The following PLAC1 variants were observed in gnomAD, a reference collection of about 807,000 sequenced individuals.
The protein encoded by PLAC1 is placenta-specific protein 1.
For missense variants in PLAC1, 136 were observed against 163.2 expected (o/e 0.83, Z 0.91); for synonymous variants, 68 against 62.1 (o/e 1.09, Z -0.44).
chrX:134,675,308 G>A (rs2078469444), intron 2 of PLAC1, among the ~76,000 whole-genome samples: 1 of 112,715 alleles, frequency 8.9e-6, no homozygotes, highest in Non-Finnish European at 1.9e-5. Context: ...ACAGAAGTTG[G>A]TGAGATTGCT....
intron 2 of PLAC1, among the ~76,000 whole-genome samples, chrX:134,667,737 G>T (rs1205627758): frequency 2.7e-5 from 3 of 110,312 alleles, no homozygotes; most frequent in Non-Finnish European, 5.7e-5. Context: ...CCTGGGCTAT[G>T]CAGGGAGACC....
At chrX:134,636,485 C>T (rs1190977611) in intron 1 of PLAC1, among the ~76,000 whole-genome samples, 1 of 112,072 alleles carries the variant, frequency 8.9e-6, no homozygotes, top group Admixed American at 9.5e-5. Context: ...TGCTGAAGGG[C>T]AGCTTCAAAA....
At chrX:134,749,352 A>G (rs923676503) in intron 1 of PLAC1, among the ~76,000 whole-genome samples, 1 of 111,581 alleles carries the variant, frequency 9.0e-6, no homozygotes, top group Non-Finnish European at 1.9e-5. Flanking sequence ...AACAACAAAC[A>G]GGCACGGTGA....
rs2078110034 is a variant in PLAC1 at position 134,603,823 on chromosome X, T to A, written c.-130-1701A>T. Among the ~76,000 whole-genome samples, 3 of 111,609 alleles carry A rather than the reference T, an allele frequency of 2.7e-5. No individual in the cohort carries two copies. In the Admixed American group the frequency reaches 2.9e-4, roughly 11 times the overall value. On this transcript the variant is annotated intron_variant, in intron 1 of 2. Transcript: ENST00000359237. ...ATGATAAAGGGGTTGGACTATACGA[T>A]GTTTAAGGTCCCTTTCATACCTAAA...
intron 2 of PLAC1, among the ~76,000 whole-genome samples, chrX:134,573,125 C>G (rs1408021631): frequency 9.0e-6 from 1 of 111,401 alleles, no homozygotes; most frequent in Non-Finnish European, 1.9e-5. Context: ...ATAAATATTC[C>G]TAAATAAATA....
At chrX:134,737,233 T>C (rs764747110) in intron 1 of PLAC1, among the ~76,000 whole-genome samples, 1 of 112,476 alleles carries the variant, frequency 8.9e-6, no homozygotes, top group South Asian at 3.7e-4. Flanking sequence ...ACACTTGTCG[T>C]TGGAACACTC....
chrX:134,689,003 G>T (rs1302052882), intron 2 of PLAC1, among the ~76,000 whole-genome samples: 1 of 111,907 alleles, frequency 8.9e-6, no homozygotes, highest in East Asian at 2.8e-4. Flanking sequence ...TATCGTCCAG[G>T]CTTAAGAATC....
chrX:134,749,358 G>A (rs904834225), intron 1 of PLAC1, among the ~76,000 whole-genome samples: 7 of 111,648 alleles, frequency 6.3e-5, no homozygotes, highest in Admixed American at 3.8e-4. Flanking sequence ...AAACAGGCAC[G>A]GTGACGTTTG....
At chrX:134,693,269 A>G (rs911445555) in intron 2 of PLAC1, among the ~76,000 whole-genome samples, 2 of 110,863 alleles carry the variant, frequency 1.8e-5, no homozygotes, top group African/African-American at 3.3e-5. Context: ...CCCATATCTC[A>G]CCAAGTTCAA....
chrX:134,689,455 T>C (rs2078529112), intron 2 of PLAC1, among the ~76,000 whole-genome samples: 2 of 112,074 alleles, frequency 1.8e-5, no homozygotes, highest in South Asian at 7.6e-4. Flanking sequence ...CTCCTCTGAC[T>C]TACAAATCCT....
At position 134,566,562 on chromosome X, in the gene PLAC1, G is replaced by A; in HGVS notation, c.121C>T (p.Pro41Ser). 8.3e-7 allele frequency: 1 copy of A among 1,211,225 alleles called. No homozygotes were observed. Among genetic ancestry groups the A allele is most frequent in the African/African-American group, 1.7e-5 (1 of 57,761 alleles). The stretch of plus-strand genomic sequence containing the variant: ...CACACATCGTTGTTTAGCATGAAGG[G>A]GTGCACTGTGACCATGAACCAGTCT... ...SIDWFMVTVH[P>S]FMLNNDVCVH... The change falls in exon 3 of 3, where the codon CCC becomes TCC. Residue 41 changes from proline (P) to serine (S), a missense_variant. Coordinates refer to ENST00000359237, the MANE Select transcript of PLAC1 (RefSeq NM_021796.4).
intron 2 of PLAC1, among the ~76,000 whole-genome samples, chrX:134,601,332 T>G (rs764136771): frequency 8.9e-6 from 1 of 112,504 alleles, no homozygotes; most frequent in South Asian, 3.7e-4. Flanking sequence ...TGTATTTTTT[T>G]GTGCATCTCT....
chrX:134,661,041 T>C (rs778240365), upstream of PLAC1, among the ~76,000 whole-genome samples: 5 of 111,119 alleles, frequency 4.5e-5, no homozygotes, highest in South Asian at 1.2e-3. Context: ...AAAGAGATGC[T>C]GTGTATCTGT....
intron 1 of PLAC1, among the ~76,000 whole-genome samples, chrX:134,757,748 T>C (rs923556402): frequency 5.4e-5 from 6 of 111,299 alleles, no homozygotes; most frequent in African/African-American, 2.0e-4. Context: ...TGTCTTGATA[T>C]CTCCAACTTA....
In PLAC1 at chrX:134,653,398, CT is replaced by C. The variant is rs763145659; in HGVS notation, c.-131+4929del. 1.2e-4 allele frequency among the ~76,000 whole-genome samples: 13 copies of C among 112,524 alleles called. No individual in the cohort carries two copies. In the South Asian group the frequency reaches 2.2e-3, roughly 19 times the overall value. On this transcript the variant is annotated intron_variant, in intron 1 of 2. Transcript: ENST00000359237. ...GCTTGTCTTAAAAAAATTAGAGATCCTGTCTTTACCTCTGAGACACTTTGAT... is the reference window on the plus strand; with the variant it reads ...GCTTGTCTTAAAAAAATTAGAGATCCGTCTTTACCTCTGAGACACTTTGAT...
At chrX:134,716,792 A>T (rs1044561667) in intron 2 of PLAC1, among the ~76,000 whole-genome samples, 1 of 112,457 alleles carries the variant, frequency 8.9e-6, no homozygotes, top group Admixed American at 9.4e-5. Context: ...TTAAGAGGTT[A>T]GTCTCTGGAG....
At chrX:134,758,017 C>T (rs2078761047) in intron 1 of PLAC1, among the ~76,000 whole-genome samples, 1 of 110,746 alleles carries the variant, frequency 9.0e-6, no homozygotes, top group African/African-American at 3.3e-5. Flanking sequence ...CAATAATGAT[C>T]TAGACATGAA....
chrX:134,708,224 A>G (rs184472924), intron 2 of PLAC1, among the ~76,000 whole-genome samples: 1 of 111,925 alleles, frequency 8.9e-6, no homozygotes, highest in East Asian at 2.8e-4. Context: ...ATATTCTTCA[A>G]AATGAAGGGG....
chrX:134,717,282 C>T (rs2078646020), intron 2 of PLAC1, among the ~76,000 whole-genome samples: 1 of 111,545 alleles, frequency 9.0e-6, no homozygotes, highest in Non-Finnish European at 1.9e-5. Context: ...TTTCTTGAGA[C>T]AGAGTCTTGC....
Sources: gnomAD v4.1 joint callset for allele counts (sites outside exome capture counted in the v4.1 genomes callset) on GRCh38, gnomAD v4.1.1 for gene constraint, MANE v1.5 for transcripts, NCBI Gene and HGNC (gene_info 2026-07-23, HGNC 2026-07-21) for gene names.